The following DAB1 variants were observed in gnomAD, a reference collection of about 807,000 sequenced individuals.
The protein encoded by DAB1 is disabled homolog 1.
DAB1 carries 15 observed loss-of-function variants against 64.6 expected under a neutral mutation model. The observed-to-expected ratio is 0.23, with a 90% CI of 0.16 to 0.36. The LOEUF is 0.36. DAB1 is among the 10% of genes least tolerant of loss of function. DAB1 has a pLI of 1.00. For synonymous variants in DAB1, 235 were observed against 251.9 expected, an observed-to-expected ratio of 0.93 and a Z score of 0.64; for missense variants, 596 against 706.7, an observed-to-expected ratio of 0.84 and a Z score of 1.78.
intron 7 of DAB1, among the ~76,000 whole-genome samples, chr1:57,581,461 T>C (rs960498213): frequency 4.6e-5 from 7 of 152,084 alleles, no homozygotes; most frequent in Non-Finnish European, 1.0e-4. Context: ...TTTAGTCTGG[T>C]AAATTGTGCC....
At chr1:57,412,038 A>G in intron 1 of DAB1, among the ~76,000 whole-genome samples, 1 of 152,172 alleles carries the variant, frequency 6.6e-6, no homozygotes, top group East Asian at 1.9e-4. Context: ...AATTCTCACA[A>G]TGCTTCAAGC....
intron 14 of DAB1, 122 bp downstream of exon 14, chr1:57,010,558 A>G (rs967362052): frequency 2.2e-5 from 11 of 506,462 alleles, no homozygotes; most frequent in Non-Finnish European, 3.9e-5. Context: ...AAACATCAGC[A>G]ATACAGCTCA....
chr1:58,423,680 T>C (rs546725470), intron 3 of DAB1, among the ~76,000 whole-genome samples: 1 of 152,346 alleles, frequency 6.6e-6, no homozygotes, highest in South Asian at 2.1e-4. Flanking sequence ...GCACTGAATT[T>C]CTGGCAGTGT....
intron 4 of DAB1, among the ~76,000 whole-genome samples, chr1:58,201,297 A>G (rs1000490219): frequency 3.3e-5 from 5 of 152,090 alleles, no homozygotes; most frequent in Non-Finnish European, 7.4e-5. Context: ...ATTTTGTTTT[A>G]TTAATTAATT....
chr1:58,103,982 A>C (rs753359692), intron 5 of DAB1, among the ~76,000 whole-genome samples: 21 of 152,350 alleles, frequency 1.4e-4, no homozygotes, highest in Admixed American at 2.6e-4. Context: ...CCAGGTCAGC[A>C]GTTCCCACCT....
At chr1:57,642,369 C>T (rs533919361) in intron 7 of DAB1, among the ~76,000 whole-genome samples, 1 of 152,302 alleles carries the variant, frequency 6.6e-6, no homozygotes, top group Non-Finnish European at 1.5e-5. Flanking sequence ...TCTGATGTTG[C>T]TTGTCCCAAG....
In DAB1 at chr1:58,251,876, G is replaced by C. The variant is rs569438697; in HGVS notation, n.309+91476C>G. On this transcript the variant is annotated intron_variant and non_coding_transcript_variant, in intron 4 of 20. Coordinates refer to the DAB1 transcript ENST00000485760. ...TGGGTGGAAGGAGAGGATCCAATCA[G>C]AGTGTCCCACAGTGCTGAATAAAAG... is the stretch of plus-strand genomic sequence containing the variant. 2.0e-5 allele frequency among the ~76,000 whole-genome samples: 3 copies of C among 152,216 alleles called. No homozygotes were observed. The South Asian group carries it at 6.2e-4, about 32-fold the overall frequency.
chr1:57,274,453 A>G (rs1671295341), intron 2 of DAB1, among the ~76,000 whole-genome samples: 1 of 152,206 alleles, frequency 6.6e-6, no homozygotes, highest in East Asian at 1.9e-4. Context: ...CAAAAAACAC[A>G]TAGAAGAGTG....
chr1:57,558,120 G>A (rs1245660839), intron 7 of DAB1, among the ~76,000 whole-genome samples: 3 of 152,178 alleles, frequency 2.0e-5, no homozygotes, highest in Non-Finnish European at 4.4e-5. Flanking sequence ...GGGGATGTGT[G>A]GGAGGACCCT....
chr1:58,098,666 T>TA (rs1244324168), intron 5 of DAB1, among the ~76,000 whole-genome samples: 1 of 152,188 alleles, frequency 6.6e-6, no homozygotes, highest in East Asian at 1.9e-4. Flanking sequence ...TAAAATGCAG[T>TA]AATTAGGGTA....
At chr1:58,175,365 A>C (rs1656410770) in intron 4 of DAB1, among the ~76,000 whole-genome samples, 1 of 152,162 alleles carries the variant, frequency 6.6e-6, no homozygotes, top group African/African-American at 2.4e-5. Flanking sequence ...CTGAAGGAAC[A>C]AACTCCGGAC....
intron 4 of DAB1, among the ~76,000 whole-genome samples, chr1:57,094,502 G>T (rs1366784091): frequency 6.6e-6 from 1 of 152,198 alleles, no homozygotes; most frequent in Non-Finnish European, 1.5e-5. Context: ...CCTGAGGTCA[G>T]AGTGGTTACA....
chr1:57,607,471 T>A (rs532954781), intron 7 of DAB1, among the ~76,000 whole-genome samples: 1 of 152,296 alleles, frequency 6.6e-6, no homozygotes, highest in Middle Eastern at 3.4e-3. Flanking sequence ...AGAGTTATTG[T>A]CTACCCAGTC....
At chr1:58,165,225 T>C (rs1021292948) in intron 4 of DAB1, among the ~76,000 whole-genome samples, 5 of 152,172 alleles carry the variant, frequency 3.3e-5, no homozygotes, top group African/African-American at 1.2e-4. Flanking sequence ...CTCTCTCCAC[T>C]GAGGGGAAGT....
At chr1:57,718,780 A>C (rs1371518285) in intron 6 of DAB1, among the ~76,000 whole-genome samples, 1 of 152,226 alleles carries the variant, frequency 6.6e-6, no homozygotes, top group Non-Finnish European at 1.5e-5. Context: ...CAAATCTCCC[A>C]AATTTTTTAT....
chr1:57,305,218 A>G (rs1013868619), intron 1 of DAB1, among the ~76,000 whole-genome samples: 5 of 152,250 alleles, frequency 3.3e-5, no homozygotes, highest in Non-Finnish European at 5.9e-5. Flanking sequence ...GAATGAGAGG[A>G]GGGAAAGGCT....
intron 5 of DAB1, among the ~76,000 whole-genome samples, chr1:58,004,268 T>G (rs1415172545): frequency 6.6e-6 from 1 of 152,222 alleles, no homozygotes; most frequent in Non-Finnish European, 1.5e-5. Context: ...TATTTTCCAT[T>G]TGCAGAAATT....
At chr1:57,097,508 G>C (rs910080002) in intron 4 of DAB1, among the ~76,000 whole-genome samples, 4 of 152,182 alleles carry the variant, frequency 2.6e-5, no homozygotes, top group African/African-American at 7.2e-5. Flanking sequence ...AGATATAGTT[G>C]CATGGCTATT....
intron 5 of DAB1, among the ~76,000 whole-genome samples, chr1:57,960,719 C>T (rs759992394): frequency 1.3e-5 from 2 of 152,242 alleles, no homozygotes; most frequent in African/African-American, 4.8e-5. Context: ...TTTAGGGAGT[C>T]TAGTTCTAGC....
Sources: gnomAD v4.1 joint callset for allele counts (sites outside exome capture counted in the v4.1 genomes callset) on GRCh38, gnomAD v4.1.1 for gene constraint, MANE v1.5 for transcripts, NCBI Gene and HGNC (gene_info 2026-07-23, HGNC 2026-07-21) for gene names.